CHD9: variants seen among roughly 807,000 people sequenced by gnomAD.
The protein encoded by CHD9 is ATP-dependent chromatin remodeler CHD9.
Under a neutral mutation model 316.1 loss-of-function variants are expected in CHD9, and 77 were observed. The ratio of observed to expected loss-of-function variants is 0.24; its 90% confidence interval spans 0.20 to 0.29. The LOEUF (loss-of-function observed/expected upper bound fraction) is 0.29. CHD9 is among the 10% of genes least tolerant of loss of function. The pLI, the probability that CHD9 is intolerant of heterozygous loss-of-function variation, is 1.00. For synonymous variants in CHD9, 1,129 were observed against 1,158.3 expected, an observed-to-expected ratio of 0.97 and a Z score of 0.51; for missense variants, 2,763 against 3,438.1, an observed-to-expected ratio of 0.80 and a Z score of 4.91.
chr16:53,248,519 T>G (rs1407301119), intron 16 of CHD9, among the ~76,000 whole-genome samples: 1 of 133,532 alleles, frequency 7.5e-6, no homozygotes, highest in Non-Finnish European at 1.6e-5. Flanking sequence ...TGTTGGTTTT[T>G]TTTTTTGTTT....
intron 1 of CHD9, among the ~76,000 whole-genome samples, chr16:53,117,505 C>T (rs943081021): frequency 9.2e-5 from 14 of 152,076 alleles, no homozygotes; most frequent in Admixed American, 2.0e-4. Context: ...ACCTCTGCCT[C>T]CTGGGTTCAA....
chr16:53,122,075 T>C (rs1034006896), intron 1 of CHD9: 51 of 152,216 alleles, frequency 3.4e-4, no homozygotes, highest in African/African-American at 1.2e-3. Flanking sequence ...AAACATACTT[T>C]AATGTTTGTC....
Position 53,268,125 on chromosome 16 carries a change from A to C in CHD9, c.4716A>C (p.Leu1572=). 6.3e-7 allele frequency: 1 copy of C among 1,593,526 alleles called. No homozygotes were observed. Among genetic ancestry groups the C allele is most frequent in the South Asian group, 1.1e-5 (1 of 88,216 alleles). ...DGQTRELQNH[L]GLSAPVPRGR... ...AGACACGAGAGCTACAGAATCATCTAGGTAAGAACATTGTTTCATTTGCTT... is the reference window on the plus strand; with the variant it reads ...AGACACGAGAGCTACAGAATCATCTCGGTAAGAACATTGTTTCATTTGCTT... Residue 1572 remains leucine (L), a splice_region_variant and synonymous_variant, in exon 22 of 39, where the codon CTA becomes CTC. Coordinates refer to ENST00000447540, the MANE Select transcript of CHD9 (RefSeq NM_001308319.2).
At chr16:53,114,629 C>CCAGG (rs2038139461) in intron 1 of CHD9, among the ~76,000 whole-genome samples, 1 of 151,260 alleles carries the variant, frequency 6.6e-6, no homozygotes, top group South Asian at 2.1e-4. Context: ...GCTCTGTCAC[C>CCAGG]CAGGCTGGAG....
At chr16:53,201,412 T>C (rs1392800917) in intron 2 of CHD9, among the ~76,000 whole-genome samples, 1 of 152,200 alleles carries the variant, frequency 6.6e-6, no homozygotes, top group Non-Finnish European at 1.5e-5. Context: ...CCCTATGTCT[T>C]AAAGTGTGAT....
intron 19 of CHD9, among the ~76,000 whole-genome samples, chr16:53,256,158 A>G (rs2050569890): frequency 6.6e-6 from 1 of 152,164 alleles, no homozygotes; most frequent in South Asian, 2.1e-4. Flanking sequence ...AAAATTTCCT[A>G]TTTCATTTTA....
chr16:53,289,000 T>C (rs1286113567), intron 27 of CHD9, among the ~76,000 whole-genome samples: 6 of 151,734 alleles, frequency 4.0e-5, no homozygotes, highest in Admixed American at 3.3e-4. Flanking sequence ...GATGAAGCCC[T>C]GCATAAAATG....
At chr16:53,122,542 C>T (rs1362085860) in intron 1 of CHD9, among the ~76,000 whole-genome samples, 1 of 139,768 alleles carries the variant, frequency 7.2e-6, no homozygotes. Flanking sequence ...GGCTGGGAAT[C>T]CCTTTTTTTT....
intron 15 of CHD9, 70 bp from the exon 16 acceptor site, chr16:53,247,223 T>G: frequency 9.2e-7 from 1 of 1,088,534 alleles, no homozygotes; most frequent in Non-Finnish European, 1.3e-6. Context: ...CTAATTGTGA[T>G]TAAAAGGAAA....
At chr16:53,228,902 A>G in intron 7 of CHD9, 81 bp from the exon 8 acceptor site, 1 of 633,192 alleles carries the variant, frequency 1.6e-6, no homozygotes, top group South Asian at 2.6e-5. Flanking sequence ...ACAATAGTTT[A>G]TATTGGATGT....
At chr16:53,198,293 C>T (rs1002845751) in intron 2 of CHD9, among the ~76,000 whole-genome samples, 1 of 151,442 alleles carries the variant, frequency 6.6e-6, no homozygotes, top group South Asian at 2.1e-4. Flanking sequence ...TCAAGTAGCA[C>T]CTGACTCATA....
At chr16:53,082,946 CA>C in intron 1 of CHD9, among the ~76,000 whole-genome samples, 1 of 152,336 alleles carries the variant, frequency 6.6e-6, no homozygotes, top group Non-Finnish European at 1.5e-5. Context: ...GGTTTCCCAT[CA>C]GTCGTCTGCC....
Position 53,324,437 on chromosome 16 carries a change from G to A in CHD9, c.8236G>A (p.Asp2746Asn), listed in dbSNP as rs2057459761. 1 of 1,613,894 alleles carries A rather than the reference G, an allele frequency of 6.2e-7. No individual in the cohort carries two copies. The highest frequency in any genetic ancestry group is 1.1e-5 in the South Asian group (1 of 91,080). ...TGGGACAGAAGACAAAAAGGGAAGTGACTCTAAGGAGTCAGAAGGAAAAAC... is the reference window on the plus strand; with the variant it reads ...TGGGACAGAAGACAAAAAGGGAAGTAACTCTAAGGAGTCAGAAGGAAAAAC... ...ESGTEDKKGS[D>N]SKESEGKTER... is the part of the protein sequence containing the mutation. Residue 2746 changes from aspartate to asparagine, a missense_variant, in exon 39 of 39, where the codon GAC becomes AAC. Asp to Asn is a conservative substitution (Grantham distance 23). Transcript: ENST00000447540.
At chr16:53,220,458 C>T (rs896229182) in intron 3 of CHD9, among the ~76,000 whole-genome samples, 2 of 152,208 alleles carry the variant, frequency 1.3e-5, no homozygotes, top group South Asian at 2.1e-4. Flanking sequence ...CATCCACATT[C>T]CCACAGCCCT....
intron 1 of CHD9, among the ~76,000 whole-genome samples, chr16:53,105,165 T>C (rs187783028): frequency 1.5e-4 from 23 of 152,278 alleles, no homozygotes; most frequent in Admixed American, 1.2e-3. Context: ...TAAGTTTATT[T>C]ATTTCAGTAG....
At position 53,267,936 on chromosome 16, in the gene CHD9, A is replaced by T. The variant is rs367918145; in HGVS notation, c.4527A>T (p.Arg1509=). The T allele has an allele frequency of 1.8e-4, 285 of 1,613,478 alleles. 2 individuals carry two copies. In the Middle Eastern group the frequency reaches 2.1e-3, roughly 12 times the overall value. The stretch of plus-strand genomic sequence containing the variant: ...TACCTTTTTTAACCAGGTGGGGCCG[A>T]TGGAGAGAGATTCTATCTCATGGCC... ...EKNLLVYGWG[R]WREILSHGRF... is the part of the protein sequence containing the mutation. The change falls in exon 22 of 39, where the codon CGA becomes CGT. Residue 1509 remains arginine (R), a synonymous_variant. Coordinates refer to ENST00000447540, the MANE Select transcript of CHD9 (RefSeq NM_001308319.2).
At chr16:53,125,456 G>C (rs1013246150) in intron 1 of CHD9, among the ~76,000 whole-genome samples, 1 of 151,918 alleles carries the variant, frequency 6.6e-6, no homozygotes, top group Non-Finnish European at 1.5e-5. Flanking sequence ...GGCTGGTCTC[G>C]AACTCCTGAT....
chr16:53,200,754 TA>T (rs774929627), intron 2 of CHD9, among the ~76,000 whole-genome samples: 2 of 152,156 alleles, frequency 1.3e-5, no homozygotes, highest in African/African-American at 2.4e-5. Context: ...GTATTAATTA[TA>T]AAAAAAGACA....
At chr16:53,085,342 C>G (rs2035375723) in intron 1 of CHD9, among the ~76,000 whole-genome samples, 1 of 151,958 alleles carries the variant, frequency 6.6e-6, no homozygotes, top group African/African-American at 2.4e-5. Flanking sequence ...TGGGATTACC[C>G]CCAGACCCAG....
Sources: gnomAD v4.1 joint callset for allele counts (sites outside exome capture counted in the v4.1 genomes callset) on GRCh38, gnomAD v4.1.1 for gene constraint, MANE v1.5 for transcripts, NCBI Gene and HGNC (gene_info 2026-07-23, HGNC 2026-07-21) for gene names.